The following KDM4C variants were observed in gnomAD, a reference collection of about 807,000 sequenced individuals.
KDM4C encodes lysine demethylase 4C.
KDM4C carries 81 observed loss-of-function variants against 129.3 expected under a neutral mutation model. That is an observed-to-expected ratio of 0.63 (90% CI 0.52 to 0.75). KDM4C has a LOEUF of 0.75. Ranked by LOEUF, KDM4C falls within the 30% of genes least tolerant of loss-of-function variation. The probability of loss-of-function intolerance (pLI) is 0.00; values close to 1 mark genes in which losing one functional copy is unlikely to be tolerated. For synonymous variants in KDM4C, 573 were observed against 456.1 expected (o/e 1.26, Z -3.26); for missense variants, 1,457 against 1,304.0 (o/e 1.12, Z -1.81).
intron 19 of KDM4C, among the ~76,000 whole-genome samples, chr9:7,153,773 G>C (rs1842920084): frequency 6.6e-6 from 1 of 152,194 alleles, no homozygotes; most frequent in Non-Finnish European, 1.5e-5. Flanking sequence ...GGAGCTTCCA[G>C]AATCTCCAGG....
intron 8 of KDM4C, among the ~76,000 whole-genome samples, chr9:6,968,521 ATAAT>A (rs1388600260): frequency 2.0e-5 from 3 of 152,210 alleles, no homozygotes; most frequent in Admixed American, 1.3e-4. Flanking sequence ...TGGTTAAACA[ATAAT>A]TAAGTTAAAC....
At chr9:6,791,824 A>G (rs1269355327) in intron 1 of KDM4C, among the ~76,000 whole-genome samples, 2 of 152,092 alleles carry the variant, frequency 1.3e-5, no homozygotes, top group East Asian at 3.9e-4. Flanking sequence ...GGAGTTCGAG[A>G]CCGGCCTGAC....
intron 19 of KDM4C, among the ~76,000 whole-genome samples, chr9:7,134,175 A>G (rs1389677836): frequency 6.6e-6 from 1 of 152,224 alleles, no homozygotes; most frequent in Non-Finnish European, 1.5e-5. Context: ...GGCATGGCCC[A>G]CATGGCCTTT....
At chr9:6,907,390 G>T (rs60174972) in intron 8 of KDM4C, among the ~76,000 whole-genome samples, 1 of 151,902 alleles carries the variant, frequency 6.6e-6, no homozygotes, top group African/African-American at 2.4e-5. Context: ...TATTTTTTTT[G>T]CAAGTCTATT....
intron 21 of KDM4C, among the ~76,000 whole-genome samples, chr9:7,172,354 C>G (rs16925520): frequency 0.037 from 5,584 of 152,228 alleles, 157 homozygotes; most frequent in East Asian, 0.15. Flanking sequence ...ACAGAATAAC[C>G]ATAGCAACGG....
intron 8 of KDM4C, among the ~76,000 whole-genome samples, chr9:6,964,723 A>C (rs1197384294): frequency 1.4e-5 from 2 of 144,102 alleles, no homozygotes; most frequent in Non-Finnish European, 3.0e-5. Flanking sequence ...TGGAGCTTGC[A>C]GTGAGCCGAG....
intron 4 of KDM4C, among the ~76,000 whole-genome samples, chr9:6,815,322 G>A (rs1831882404): frequency 6.6e-6 from 1 of 151,764 alleles, no homozygotes; most frequent in South Asian, 2.1e-4. Flanking sequence ...AAAGTTCTTT[G>A]TCTTTTGAAA....
At chr9:7,076,561 A>T (rs1833943662) in intron 17 of KDM4C, 1 of 1,523,472 alleles carries the variant, frequency 6.6e-7, no homozygotes. Context: ...GCTGTTTCTC[A>T]TTCTCCATGG....
intron 1 of KDM4C, among the ~76,000 whole-genome samples, chr9:6,738,667 T>G (rs1189339402): frequency 6.6e-6 from 1 of 151,854 alleles, no homozygotes; most frequent in Non-Finnish European, 1.5e-5. Context: ...TGCAGTGGCA[T>G]GATCTTGGTT....
At chr9:6,890,568 C>A (rs938883470) in intron 7 of KDM4C, among the ~76,000 whole-genome samples, 4 of 151,864 alleles carry the variant, frequency 2.6e-5, no homozygotes, top group East Asian at 1.9e-4. Context: ...TTGGGACTGA[C>A]CTGTTTTTGG....
At chr9:7,172,933 A>G (rs1273072548) in intron 21 of KDM4C, among the ~76,000 whole-genome samples, 1 of 152,268 alleles carries the variant, frequency 6.6e-6, no homozygotes, top group Non-Finnish European at 1.5e-5. Context: ...GAGGCAAGAT[A>G]GTAGGGAATT....
rs571601441 is a variant in KDM4C, at chr9:7,055,634, T to C, written c.2424+6434T>C. Among the ~76,000 whole-genome samples, 5 of 152,342 alleles carry C rather than the reference T, an allele frequency of 3.3e-5. No individual in the cohort carries two copies. In the South Asian group the frequency reaches 8.3e-4, roughly 25 times the overall value. ...TATCAATTCTGAAAATAGAGTGGTT[T>C]CACTGTGGTATTCCATCTCAAGAGT... On this transcript the variant is annotated intron_variant, in intron 17 of 21. Transcript: ENST00000381309.
At chr9:6,723,877 C>T (rs1052490) in intron 1 of KDM4C, 1 of 151,956 alleles carries the variant, frequency 6.6e-6, no homozygotes, top group Non-Finnish European at 1.5e-5. Flanking sequence ...GTTCACATAC[C>T]CAAATGGTTG....
At chr9:7,045,491 T>C (rs1829260830) in intron 15 of KDM4C, among the ~76,000 whole-genome samples, 1 of 152,036 alleles carries the variant, frequency 6.6e-6, no homozygotes, top group Non-Finnish European at 1.5e-5. Flanking sequence ...TGAGAACTTA[T>C]AAAATGAACT....
intron 8 of KDM4C, among the ~76,000 whole-genome samples, chr9:6,970,282 A>T (rs1407663626): frequency 2.6e-5 from 4 of 152,368 alleles, no homozygotes; most frequent in Admixed American, 6.5e-5. Context: ...CCCAAAACTT[A>T]ACCAGTGATG....
chr9:6,883,347 C>A (rs922788379), intron 6 of KDM4C, among the ~76,000 whole-genome samples: 5 of 152,060 alleles, frequency 3.3e-5, no homozygotes, highest in African/African-American at 1.2e-4. Flanking sequence ...ATGCAAAAGA[C>A]CAGTGATATA....
intron 17 of KDM4C, among the ~76,000 whole-genome samples, chr9:7,065,087 T>G (rs1309744583): frequency 6.6e-6 from 1 of 152,212 alleles, no homozygotes; most frequent in East Asian, 1.9e-4. Context: ...GGGATTTTGT[T>G]GCCAAGATGT....
chr9:6,940,029 CCTTCTTTCCT>C (rs1229177978), intron 8 of KDM4C, among the ~76,000 whole-genome samples: 110 of 133,626 alleles, frequency 8.2e-4, no homozygotes, highest in African/African-American at 3.1e-3. Context: ...TTCCTTCCTT[CCTTCTTTCCT>C]TCCTTCCCTC....
rs533063860 is a variant in KDM4C, at chr9:6,832,867, A to AC, written c.436-16640_436-16639insC. On this transcript the variant is annotated intron_variant, in intron 4 of 21. Transcript: ENST00000381309. Reference sequence around the variant, plus strand: ...CTCAGACTCTGTAGTAGCTGGGATTATAGGCACCCACCACCTTGCCTGGCT... The same window carrying AC: ...CTCAGACTCTGTAGTAGCTGGGATTACTAGGCACCCACCACCTTGCCTGGCT... 2.3e-4 allele frequency among the ~76,000 whole-genome samples: 34 copies of AC among 150,140 alleles called. 1 individual carries two copies. The South Asian group carries it at 7.2e-3, about 32-fold the overall frequency.
Sources: gnomAD v4.1 joint callset for allele counts (sites outside exome capture counted in the v4.1 genomes callset) on GRCh38, gnomAD v4.1.1 for gene constraint, MANE v1.5 for transcripts, NCBI Gene and HGNC (gene_info 2026-07-23, HGNC 2026-07-21) for gene names.